The following ABR variants were observed in gnomAD, a reference collection of about 807,000 sequenced individuals.
ABR encodes the protein active breakpoint cluster region-related protein.
Under a neutral mutation model 107.2 loss-of-function variants are expected in ABR, and 35 were observed. The observed-to-expected ratio is 0.33, with a 90% CI of 0.25 to 0.43. The LOEUF is 0.43. Among genes scored for constraint, ABR ranks in the 20% least tolerant of loss-of-function variants. The pLI is 1.00. For missense variants in ABR, 815 were observed against 1,115.2 expected, an observed-to-expected ratio of 0.73 and a Z score of 3.83; for synonymous variants, 498 against 462.0, an observed-to-expected ratio of 1.08 and a Z score of -1.00.
intron 1 of ABR, among the ~76,000 whole-genome samples, chr17:1,176,062 G>A (rs965163194): frequency 1.3e-5 from 2 of 151,854 alleles, no homozygotes; most frequent in Non-Finnish European, 2.9e-5. Context: ...CTGCACTCCA[G>A]CTCCAGCCTG....
intron 5 of ABR, 100 bp downstream of exon 5, chr17:1,083,420 C>G: frequency 1.3e-6 from 1 of 758,646 alleles, no homozygotes; most frequent in South Asian, 1.8e-5. Context: ...ATTAGAGTAA[C>G]CACTTCACCG....
chr17:1,178,878 C>A (rs1453455493), intron 1 of ABR, among the ~76,000 whole-genome samples: 4 of 151,580 alleles, frequency 2.6e-5, no homozygotes, highest in Non-Finnish European at 5.9e-5. Context: ...GGGCGGCTCT[C>A]GGTTCGCCCC....
chr17:1,224,271 G>T (rs1344646320), intron 1 of ABR, among the ~76,000 whole-genome samples: 1 of 152,070 alleles, frequency 6.6e-6, no homozygotes, highest in Non-Finnish European at 1.5e-5. Flanking sequence ...AGGCTACAAG[G>T]TACTAGAAGG....
At chr17:1,040,394 T>C (rs79277842) in intron 16 of ABR, among the ~76,000 whole-genome samples, 1,751 of 152,302 alleles carry the variant, frequency 0.011, 29 homozygotes, top group African/African-American at 0.039. Flanking sequence ...CAAAGGCCCC[T>C]TGTTTCCGAC....
intron 6 of ABR, among the ~76,000 whole-genome samples, chr17:1,077,886 C>T (rs1317498751): frequency 1.3e-5 from 2 of 152,208 alleles, no homozygotes; most frequent in African/African-American, 4.8e-5. Context: ...GTGCCCACCC[C>T]ACTCCCTGCC....
At chr17:1,111,889 C>G (rs1204374779) in intron 2 of ABR, among the ~76,000 whole-genome samples, 4 of 152,236 alleles carry the variant, frequency 2.6e-5, no homozygotes, top group Non-Finnish European at 5.9e-5. Flanking sequence ...CTTGGAAGCC[C>G]AGCCACGGCC....
intron 1 of ABR, among the ~76,000 whole-genome samples, chr17:1,161,116 C>G (rs1250701473): frequency 2.0e-5 from 3 of 151,428 alleles, no homozygotes; most frequent in Non-Finnish European, 2.9e-5. Context: ...CAGCACCTAT[C>G]CTGGGAAGGT....
chr17:1,106,528 T>TTC (rs34214490), intron 2 of ABR, among the ~76,000 whole-genome samples: 2 of 15,290 alleles, frequency 1.3e-4, no homozygotes, highest in African/African-American at 8.8e-4. Flanking sequence ...TCTCACAGTC[T>TTC]TTTTTTTTTT....
intron 8 of ABR, among the ~76,000 whole-genome samples, 180 bp downstream of exon 8, chr17:1,072,406 AGAGAAGGGGACGAGGGACCTGCCGCCCG>A (rs2035311143): frequency 7.2e-6 from 1 of 139,278 alleles, no homozygotes; most frequent in Non-Finnish European, 1.6e-5. Flanking sequence ...CCCGTGTGTG[AGAGAAGGGGACGAGGGACCTGCCGCCCG>A]TGTGTGAGAG....
intron 2 of ABR, chr17:1,108,818 C>G (rs2151384211): frequency 1.3e-6 from 1 of 754,588 alleles, no homozygotes; most frequent in Non-Finnish European, 1.8e-6. Flanking sequence ...CGGGACCCTC[C>G]GCCGAGGGCT....
intron 1 of ABR, among the ~76,000 whole-genome samples, chr17:1,194,023 G>T (rs2042496603): frequency 6.6e-6 from 1 of 152,122 alleles, no homozygotes; most frequent in Admixed American, 6.6e-5. Flanking sequence ...CTCTCCAGGG[G>T]AAGTGGCAGA....
chr17:1,180,718 G>GGGGAAGTCGT (rs963816302), upstream of ABR, among the ~76,000 whole-genome samples: 4 of 152,214 alleles, frequency 2.6e-5, no homozygotes, highest in African/African-American at 9.6e-5. Context: ...TGGGAAGTCG[G>GGGGAAGTCGT]GTCAAGAGGC....
chr17:1,070,200 T>G lies in ABR; in HGVS notation c.895-110A>C. 1 of 1,426,928 alleles carries G rather than the reference T, an allele frequency of 7.0e-7. No individual in the cohort carries two copies. Among genetic ancestry groups the G allele is most frequent in the Non-Finnish European group, 9.6e-7 (1 of 1,046,080 alleles). The allele number at this position is 1,426,928 out of a possible 1,614,324, so 88.4% of individuals were successfully genotyped here. ...GGGAGGACTGGACCGAGAGGCGGCA[T>G]AGCCTGTCATCCCTTAACCAAAGGT... is the stretch of plus-strand genomic sequence containing the variant. On this transcript the variant is annotated intron_variant, in intron 8 of 22. Transcript: ENST00000302538. This position sits in a 1 kb window ranked among gnomAD's most constrained non-coding sequence, Gnocchi z 4.2.
chr17:1,145,541 C>T (rs1366233061), intron 1 of ABR, among the ~76,000 whole-genome samples: 1 of 152,256 alleles, frequency 6.6e-6, no homozygotes, highest in African/African-American at 2.4e-5. Flanking sequence ...TCCAACGGTG[C>T]TCACCACCTG....
chr17:1,012,263 C>T (rs1226623763), intron 18 of ABR: 2 of 657,584 alleles, frequency 3.0e-6, no homozygotes, highest in African/African-American at 3.5e-5. Flanking sequence ...CCCCCAGATT[C>T]AGATGCTTGT....
chr17:1,087,418 C>T (rs906807996), intron 4 of ABR, among the ~76,000 whole-genome samples: 2 of 152,130 alleles, frequency 1.3e-5, no homozygotes, highest in African/African-American at 4.8e-5. Context: ...GAGCGGGGGG[C>T]ATCTGGAAAA....
chr17:1,097,466 C>A (rs1019008553), intron 3 of ABR, among the ~76,000 whole-genome samples: 6 of 151,770 alleles, frequency 4.0e-5, no homozygotes, highest in Admixed American at 2.6e-4. Context: ...TGGTGGGTGC[C>A]TGTAATCTCA....
At chr17:1,173,265 C>A (rs2041804767) in intron 1 of ABR, among the ~76,000 whole-genome samples, 1 of 138,530 alleles carries the variant, frequency 7.2e-6, no homozygotes, top group Non-Finnish European at 1.6e-5. Flanking sequence ...TCAGCCCACC[C>A]AACACATCAC....
chr17:1,162,285 T>C (rs569707966), intron 1 of ABR, among the ~76,000 whole-genome samples: 1 of 152,306 alleles, frequency 6.6e-6, no homozygotes, highest in Non-Finnish European at 1.5e-5. Context: ...AGGACATACG[T>C]GGGACAGGCG....
Sources: gnomAD v4.1 joint callset for allele counts (sites outside exome capture counted in the v4.1 genomes callset) on GRCh38, gnomAD v4.1.1 for gene constraint, Gnocchi (gnomAD v3.1) non-coding constraint, MANE v1.5 for transcripts, NCBI Gene and HGNC (gene_info 2026-07-23, HGNC 2026-07-21) for gene names.